MAPK8: variants seen among roughly 807,000 people sequenced by gnomAD.
MAPK8 encodes the protein mitogen-activated protein kinase 8, also known as JUN N-terminal kinase.
In MAPK8, 13 loss-of-function variants were observed where a neutral mutation model predicts 52.9. The observed-to-expected ratio is 0.25, with a 90% CI of 0.16 to 0.39. The LOEUF (loss-of-function observed/expected upper bound fraction) is 0.39, where lower values mean the gene tolerates loss of function less well. Among genes scored for constraint, MAPK8 ranks in the 10% least tolerant of loss-of-function variants. MAPK8 has a pLI of 1.00. For synonymous variants in MAPK8, 191 were observed against 169.8 expected (o/e 1.12, Z -0.97); for missense variants, 300 against 519.2 (o/e 0.58, Z 4.10).
At chr10:48,419,015 A>G (rs1398073773) in intron 5 of MAPK8, among the ~76,000 whole-genome samples, 2 of 152,204 alleles carry the variant, frequency 1.3e-5, no homozygotes, top group Non-Finnish European at 2.9e-5. Flanking sequence ...GTATTTTAGA[A>G]GTATTAGCAA....
chr10:48,331,675 G>A (rs1444630370), intron 1 of MAPK8, among the ~76,000 whole-genome samples: 1 of 152,198 alleles, frequency 6.6e-6, no homozygotes, highest in Non-Finnish European at 1.5e-5. Flanking sequence ...AACTCAAGAG[G>A]TGGCATTTGA....
At chr10:48,394,974 TAAAC>T (rs2132892019) in intron 1 of MAPK8, among the ~76,000 whole-genome samples, 1 of 152,018 alleles carries the variant, frequency 6.6e-6, no homozygotes, top group East Asian at 1.9e-4. Flanking sequence ...ATGGAGAAGT[TAAAC>T]AAAATTATGT....
At chr10:48,377,869 A>G (rs114581707) in intron 1 of MAPK8, among the ~76,000 whole-genome samples, 3,448 of 152,300 alleles carry the variant, frequency 0.023, 144 homozygotes, top group African/African-American at 0.079. Flanking sequence ...TTACAGAAAT[A>G]ACATTGGTTA....
intron 5 of MAPK8, 95 bp from the exon 6 acceptor site, chr10:48,420,060 A>T: frequency 1.1e-6 from 1 of 901,084 alleles, no homozygotes; most frequent in East Asian, 2.5e-5. Context: ...AACAATTAAC[A>T]TGAATGTTTT....
chr10:48,429,249 T>C (rs1186106180), intron 10 of MAPK8, among the ~76,000 whole-genome samples: 2 of 152,222 alleles, frequency 1.3e-5, no homozygotes, highest in East Asian at 3.8e-4. Flanking sequence ...CCTTCGGTTG[T>C]ACAGCACCAT....
chr10:48,360,111 G>A lies in MAPK8; in HGVS notation c.-49-41501G>A, dbSNP rs1847382229. On this transcript the variant is annotated intron_variant, in intron 1 of 11. Transcript: ENST00000374189. ...GAACCTGGGAGATGTAGGTTGCAGT[G>A]AGCCGAGATCGTGTCACTGCACTCC... Among the ~76,000 whole-genome samples, 8 of 152,144 alleles carry A rather than the reference G, an allele frequency of 5.3e-5. No individual in the cohort carries two copies. The South Asian group carries it at 1.7e-3, about 32-fold the overall frequency.
chr10:48,343,951 G>A (rs190954624), intron 1 of MAPK8, among the ~76,000 whole-genome samples: 1 of 152,234 alleles, frequency 6.6e-6, no homozygotes, highest in African/African-American at 2.4e-5. Flanking sequence ...GTTCATCTGG[G>A]GTTGGTATTT....
At chr10:48,429,243 C>T (rs998192965) in intron 10 of MAPK8, among the ~76,000 whole-genome samples, 2 of 152,154 alleles carry the variant, frequency 1.3e-5, no homozygotes, top group African/African-American at 4.8e-5. Context: ...AAAACACCTT[C>T]GGTTGTACAG....
intron 1 of MAPK8, among the ~76,000 whole-genome samples, chr10:48,317,724 C>T (rs1224831917): frequency 6.6e-6 from 1 of 152,012 alleles, no homozygotes; most frequent in Non-Finnish European, 1.5e-5. Context: ...GTTGTGTGCC[C>T]TTGCGAGGAA....
chr10:48,403,313 C>G (rs937864096), intron 2 of MAPK8, among the ~76,000 whole-genome samples: 4 of 152,072 alleles, frequency 2.6e-5, no homozygotes, highest in African/African-American at 7.2e-5. Flanking sequence ...CAAAAATTAG[C>G]TGGGCATGGT....
At chr10:48,417,369 C>G (rs572733030) in intron 5 of MAPK8, among the ~76,000 whole-genome samples, 1 of 152,292 alleles carries the variant, frequency 6.6e-6, no homozygotes, top group South Asian at 2.1e-4. Context: ...TGTTGGCAGA[C>G]TGAGGCAAAT....
chr10:48,359,802 A>C (rs1847352056), intron 1 of MAPK8, among the ~76,000 whole-genome samples: 1 of 152,268 alleles, frequency 6.6e-6, no homozygotes, highest in African/African-American at 2.4e-5. Context: ...CAACAACTGT[A>C]TAAAGCTTTT....
chr10:48,356,139 T>C (rs559978029), intron 1 of MAPK8, among the ~76,000 whole-genome samples: 27 of 152,274 alleles, frequency 1.8e-4, no homozygotes, highest in African/African-American at 6.0e-4. Context: ...GTAATAAATA[T>C]CTTAGTAAAT....
intron 7 of MAPK8, chr10:48,425,029 C>T (rs2043590990): frequency 1.7e-6 from 1 of 596,848 alleles, no homozygotes; most frequent in Non-Finnish European, 3.0e-6. Flanking sequence ...ACATACTGAC[C>T]CTTTCATCTG....
In MAPK8 at chr10:48,318,181, G is replaced by C. The variant is rs1389393137; in HGVS notation, c.-50+11360G>C. Among the ~76,000 whole-genome samples, 3 of 152,134 alleles carry C rather than the reference G, an allele frequency of 2.0e-5. No homozygotes were observed. In the East Asian group the frequency reaches 5.8e-4, roughly 29 times the overall value. On this transcript the variant is annotated intron_variant, in intron 1 of 11. Coordinates refer to ENST00000374189, the MANE Select transcript of MAPK8 (RefSeq NM_001323329.2). ...TCAGGAGTTAATACTGCAGCCTTGA[G>C]GCAGAATTTTGTTTTTCTCAGGGAA...
chr10:48,351,574 A>C (rs1004023216), intron 1 of MAPK8, among the ~76,000 whole-genome samples: 2 of 152,178 alleles, frequency 1.3e-5, no homozygotes, highest in Non-Finnish European at 2.9e-5. Flanking sequence ...ACATGCTTGA[A>C]ATAAATTAAA....
intron 1 of MAPK8, among the ~76,000 whole-genome samples, chr10:48,397,273 C>T (rs558540225): frequency 1.4e-4 from 22 of 151,902 alleles, no homozygotes; most frequent in Admixed American, 2.0e-4. Flanking sequence ...CTCAGCCTCC[C>T]AAATAGCTAG....
chr10:48,393,941 G>A (rs564080767), intron 1 of MAPK8, among the ~76,000 whole-genome samples: 1 of 151,896 alleles, frequency 6.6e-6, no homozygotes, highest in African/African-American at 2.4e-5. Context: ...TAGCCAGACT[G>A]ATTAGAAAAA....
rs77497429 is a variant in MAPK8, at chr10:48,397,747, C to T, written c.-49-3865C>T. ...CTGGGACTACAGGCATATGCCACCA[C>T]GCCCAGCTAATTTTTGTGTTTTTAG... On this transcript the variant is annotated intron_variant, in intron 1 of 11. Transcript: ENST00000374189. Among the ~76,000 whole-genome samples, 1,665 of 152,204 alleles carry T rather than the reference C, an allele frequency of 0.011. 95 individuals carry two copies. The East Asian group carries it at 0.18, about 17-fold the overall frequency.
Sources: allele counts gnomAD v4.1 joint callset (sites outside exome capture counted in the v4.1 genomes callset), GRCh38; gene constraint gnomAD v4.1.1; transcripts MANE v1.5; gene names NCBI Gene and HGNC (gene_info 2026-07-23, HGNC 2026-07-21).